Variants in IQGAP2 observed in about 807,000 individuals in gnomAD.
IQGAP2 encodes the protein IQ motif containing GTPase activating protein 2.
Under a neutral mutation model 201.3 loss-of-function variants are expected in IQGAP2, and 173 were observed. The ratio of observed to expected loss-of-function variants is 0.86; its 90% CI spans 0.76 to 0.98. IQGAP2 has a LOEUF of 0.98. Ranked by LOEUF, IQGAP2 falls within the 50% of genes least tolerant of loss-of-function variation. The probability of loss-of-function intolerance (pLI) is 0.00; values close to 1 mark genes in which losing one functional copy is unlikely to be tolerated. For missense variants in IQGAP2, 1,687 were observed against 1,864.8 expected (o/e 0.90, Z 1.76); for synonymous variants, 675 against 673.9 (o/e 1.00, Z -0.03).
chr5:76,471,765 C>T (rs1755126440), intron 2 of IQGAP2, among the ~76,000 whole-genome samples: 1 of 152,090 alleles, frequency 6.6e-6, no homozygotes, highest in South Asian at 2.1e-4. Context: ...CAGTGGATTT[C>T]CTCTGCATGC....
intron 1 of IQGAP2, among the ~76,000 whole-genome samples, chr5:76,437,448 G>C (rs1752770686): frequency 6.6e-6 from 1 of 152,114 alleles, no homozygotes; most frequent in Non-Finnish European, 1.5e-5. Flanking sequence ...GTGTGCCATG[G>C]TGGTTTGCTA....
At chr5:76,563,265 A>G (rs1744507576) in intron 3 of IQGAP2, among the ~76,000 whole-genome samples, 1 of 152,328 alleles carries the variant, frequency 6.6e-6, no homozygotes, top group South Asian at 2.1e-4. Flanking sequence ...AAGATCAACA[A>G]TAAAAACCGC....
At chr5:76,429,582 T>A (rs1365718829) in intron 1 of IQGAP2, among the ~76,000 whole-genome samples, 13 of 120,704 alleles carry the variant, frequency 1.1e-4, no homozygotes, top group African/African-American at 2.8e-4. Context: ...AAAAAAAAAT[T>A]TATATATATA....
chr5:76,526,569 TG>T (rs1758987437), intron 2 of IQGAP2, among the ~76,000 whole-genome samples: 1 of 152,234 alleles, frequency 6.6e-6, no homozygotes, highest in Non-Finnish European at 1.5e-5. Flanking sequence ...AACAGCTTTT[TG>T]TTCATTATAA....
In IQGAP2 at chr5:76,631,908, A is replaced by G. The variant is rs774742346; in HGVS notation, c.1662A>G (p.Ser554=). 6.2e-7 allele frequency: 1 copy of G among 1,610,852 alleles called. No individual in the cohort carries two copies. The highest frequency in any genetic ancestry group is 1.1e-5 in the South Asian group (1 of 90,494). The change falls in exon 15 of 36, where the codon TCA becomes TCG. Residue 554 remains serine (S), a synonymous_variant. Transcript: ENST00000274364. Reference sequence around the variant, plus strand: ...ATCAGTGTTTGGAAGGAAAAAAATCAAGTGATATTTTGTCTGTATTGAAGT... The same window carrying G: ...ATCAGTGTTTGGAAGGAAAAAAATCGAGTGATATTTTGTCTGTATTGAAGT... The part of the protein sequence containing the change: ...DVNQCLEGKK[S]SDILSVLKSS...
intron 2 of IQGAP2, among the ~76,000 whole-genome samples, chr5:76,526,219 G>A (rs1176718514): frequency 1.3e-5 from 2 of 152,172 alleles, no homozygotes; most frequent in Non-Finnish European, 2.9e-5. Flanking sequence ...AAAGGCATAG[G>A]AAGATCATGC....
intron 1 of IQGAP2, among the ~76,000 whole-genome samples, chr5:76,442,597 G>T (rs956123047): frequency 6.6e-6 from 1 of 152,192 alleles, no homozygotes; most frequent in Admixed American, 6.5e-5. Context: ...AGGGATAAAG[G>T]ATTTTCACCT....
intron 1 of IQGAP2, among the ~76,000 whole-genome samples, chr5:76,421,419 G>A (rs932736284): frequency 5.6e-4 from 85 of 152,196 alleles, no homozygotes; most frequent in African/African-American, 2.0e-3. Context: ...TTGGAGATCA[G>A]CCTGGGCAAC....
chr5:76,697,238 G>A (rs1349279734), intron 32 of IQGAP2, among the ~76,000 whole-genome samples: 1 of 151,942 alleles, frequency 6.6e-6, no homozygotes, highest in South Asian at 2.1e-4. Flanking sequence ...TCAAACCTTG[G>A]GAAATATTTG....
chr5:76,496,793 CTCTT>C (rs1339863806), intron 2 of IQGAP2, among the ~76,000 whole-genome samples: 324 of 66,314 alleles, frequency 4.9e-3, no homozygotes, highest in Non-Finnish European at 7.0e-3. Flanking sequence ...TTCTTTCTTT[CTCTT>C]TCTTTCTTTC....
At chr5:76,631,785 G>A in intron 14 of IQGAP2, 74 bp from the exon 15 acceptor site, 2 of 1,138,914 alleles carry the variant, frequency 1.8e-6, no homozygotes, top group Non-Finnish European at 2.4e-6. Flanking sequence ...CTAAAACGTT[G>A]AATTATATAT....
At chr5:76,602,597 T>C (rs963428761) in intron 11 of IQGAP2, among the ~76,000 whole-genome samples, 1 of 152,082 alleles carries the variant, frequency 6.6e-6, no homozygotes, top group Non-Finnish European at 1.5e-5. Context: ...TTTTTTTTAA[T>C]TTAAATACAT....
chr5:76,607,978 A>G lies in IQGAP2; in HGVS notation c.1357+1675A>G, dbSNP rs1050984638. The G allele has an allele frequency of 4.6e-5, 7 of 152,250 alleles. 1 individual carries two copies. Among genetic ancestry groups the G allele is most frequent in the Admixed American group, 4.6e-4 (7 of 15,288 alleles). The allele number at this position is 152,250 out of a possible 1,614,324, so 9.4% of individuals were successfully genotyped here. A position where few individuals can be genotyped will look rare whatever the true frequency, so the allele number is the denominator to read the frequency against. On this transcript the variant is annotated intron_variant, in intron 12 of 35. Transcript: ENST00000274364. ...ATGTGCTGCTTACACAAATGAAGGT[A>G]TGTTAGTTCTCAGTGCTGAAAGATT...
chr5:76,634,602 C>T (rs1396716649), intron 15 of IQGAP2, among the ~76,000 whole-genome samples: 1 of 152,142 alleles, frequency 6.6e-6, no homozygotes, highest in African/African-American at 2.4e-5. Flanking sequence ...AACCCCTGTT[C>T]TAGAAAGAAG....
At chr5:76,433,362 T>C (rs894944765) in intron 1 of IQGAP2, among the ~76,000 whole-genome samples, 10 of 152,278 alleles carry the variant, frequency 6.6e-5, no homozygotes, top group African/African-American at 9.6e-5. Context: ...CTCTGGGTCA[T>C]TGGTGGTGCT....
chr5:76,500,354 A>G (rs1453437537), intron 2 of IQGAP2, among the ~76,000 whole-genome samples: 3 of 152,236 alleles, frequency 2.0e-5, no homozygotes, highest in Non-Finnish European at 2.9e-5. Flanking sequence ...GTGGCTAAGC[A>G]TAGCATTGCT....
chr5:76,498,815 G>T (rs1211280905), intron 2 of IQGAP2, among the ~76,000 whole-genome samples: 1 of 152,220 alleles, frequency 6.6e-6, no homozygotes, highest in Non-Finnish European at 1.5e-5. Context: ...CCATAATTCA[G>T]AATCAGTGGA....
intron 2 of IQGAP2, among the ~76,000 whole-genome samples, chr5:76,466,330 G>C (rs1754778291): frequency 1.3e-5 from 2 of 152,208 alleles, no homozygotes; most frequent in Admixed American, 6.5e-5. Context: ...GCAAGACCTT[G>C]TCTCAAAAAC....
chr5:76,650,022 C>T (rs910449323), intron 17 of IQGAP2, among the ~76,000 whole-genome samples: 7 of 152,210 alleles, frequency 4.6e-5, no homozygotes, highest in South Asian at 2.1e-4. Context: ...AGATCTGGAG[C>T]GGCTGGGATG....
Sources: gnomAD v4.1 joint callset for allele counts (sites outside exome capture counted in the v4.1 genomes callset) on GRCh38, gnomAD v4.1.1 for gene constraint, MANE v1.5 for transcripts, NCBI Gene and HGNC (gene_info 2026-07-23, HGNC 2026-07-21) for gene names.